Variants in SLC24A2 observed in about 807,000 individuals in gnomAD.
The protein encoded by SLC24A2 is solute carrier family 24 member 2, also known as sodium/potassium/calcium exchanger 2.
Under a neutral mutation model 62.0 loss-of-function variants are expected in SLC24A2, and 36 were observed. The observed-to-expected ratio is 0.58, with a 90% CI of 0.44 to 0.77. SLC24A2 has a LOEUF of 0.77. Ranked by LOEUF, SLC24A2 falls within the 30% of genes least tolerant of loss-of-function variation. SLC24A2 has a pLI of 0.00. For missense variants in SLC24A2, 846 were observed against 817.9 expected, an observed-to-expected ratio of 1.03 and a Z score of -0.42; for synonymous variants, 358 against 294.0, an observed-to-expected ratio of 1.22 and a Z score of -2.23.
At chr9:19,866,107 A>G in the SLC24A2 span, among the ~76,000 whole-genome samples, 3 of 152,252 alleles carry the variant, frequency 2.0e-5, no homozygotes, top group Admixed American at 1.3e-4. Context: ...GGTGCTCAAC[A>G]TCATTAAACA....
At chr9:20,155,333 T>C in the SLC24A2 span, among the ~76,000 whole-genome samples, 1 of 151,768 alleles carries the variant, frequency 6.6e-6, no homozygotes, top group Non-Finnish European at 1.5e-5. Context: ...TCCACTCACG[T>C]ATACACATAG....
In SLC24A2 at chr9:19,525,391, C is replaced by CTTTTTTTTTTTTTTTTTTTTTTTTTTT. The variant is rs572919824; in HGVS notation, c.1569+2631_1569+2657dup. 2.6e-5 allele frequency among the ~76,000 whole-genome samples: 2 copies of CTTTTTTTTTTTTTTTTTTTTTTTTTTT among 76,374 alleles called. 1 individual carries two copies. The allele number at this position is 76,374 out of a possible 152,430, so 50.1% of individuals were successfully genotyped here. A position where few individuals can be genotyped will look rare whatever the true frequency, so the allele number is the denominator to read the frequency against. ...AAGGTTTTTTTTTCCTATTTCTTTACTTTTTTTTTTTTTTTTTTTTTTTTT... is the reference window on the plus strand; with the variant it reads ...AAGGTTTTTTTTTCCTATTTCTTTACTTTTTTTTTTTTTTTTTTTTTTTTTTTTTTTTTTTTTTTTTTTTTTTTTTTT... On this transcript the variant is annotated intron_variant, in intron 9 of 10. Coordinates refer to ENST00000341998, the MANE Select transcript of SLC24A2 (RefSeq NM_020344.4).
At chr9:19,538,758 G>A (rs1352600026) in intron 8 of SLC24A2, among the ~76,000 whole-genome samples, 1 of 131,164 alleles carries the variant, frequency 7.6e-6, no homozygotes, top group African/African-American at 2.9e-5. Flanking sequence ...TCTATTGATT[G>A]GAATAGTTTC....
chr9:19,528,739 G>A (rs1446909238), intron 8 of SLC24A2, among the ~76,000 whole-genome samples: 1 of 152,094 alleles, frequency 6.6e-6, no homozygotes, highest in Non-Finnish European at 1.5e-5. Flanking sequence ...CATTCTCCAG[G>A]ACACTGGAAC....
At chr9:20,136,909 G>A in the SLC24A2 span, among the ~76,000 whole-genome samples, 1 of 151,956 alleles carries the variant, frequency 6.6e-6, no homozygotes, top group Non-Finnish European at 1.5e-5. Context: ...AGGACTTTAC[G>A]CCGCATTAAA....
chr9:20,195,106 C>A, the SLC24A2 span, among the ~76,000 whole-genome samples: 1 of 152,116 alleles, frequency 6.6e-6, no homozygotes, highest in Admixed American at 6.5e-5. Context: ...CATGCTGGAA[C>A]ATGTAATTTT....
chr9:19,923,601 C>A, the SLC24A2 span, among the ~76,000 whole-genome samples: 1 of 152,096 alleles, frequency 6.6e-6, no homozygotes, highest in East Asian at 1.9e-4. Flanking sequence ...AGTCACAAGC[C>A]CACCCCACTC....
At chr9:20,202,803 T>G in the SLC24A2 span, among the ~76,000 whole-genome samples, 1 of 152,244 alleles carries the variant, frequency 6.6e-6, no homozygotes. Flanking sequence ...AAACCCTGGC[T>G]TTGAAACCAG....
chr9:19,591,303 T>C (rs750677121), intron 5 of SLC24A2, among the ~76,000 whole-genome samples: 2 of 152,212 alleles, frequency 1.3e-5, no homozygotes, highest in Non-Finnish European at 2.9e-5. Context: ...AGCTCCCTCT[T>C]ATAGCTTGCT....
At chr9:19,958,822 T>A in the SLC24A2 span, among the ~76,000 whole-genome samples, 5 of 152,152 alleles carry the variant, frequency 3.3e-5, no homozygotes, top group Admixed American at 3.3e-4. Flanking sequence ...AATGCAAAAA[T>A]TACTGTTTGT....
At chr9:20,085,746 A>G in the SLC24A2 span, among the ~76,000 whole-genome samples, 1 of 152,230 alleles carries the variant, frequency 6.6e-6, no homozygotes, top group Non-Finnish European at 1.5e-5. Context: ...AATATTCAGT[A>G]TGAGCCCATA....
the SLC24A2 span, among the ~76,000 whole-genome samples, chr9:20,293,677 T>C: frequency 1.3e-5 from 2 of 152,188 alleles, no homozygotes; most frequent in African/African-American, 2.4e-5. Context: ...AGTATTATCT[T>C]TGCTCATCTC....
At chr9:20,045,544 G>A in the SLC24A2 span, among the ~76,000 whole-genome samples, 2 of 152,064 alleles carry the variant, frequency 1.3e-5, no homozygotes, top group African/African-American at 2.4e-5. Context: ...CGACTCTCCT[G>A]CCTCAGCCTC....
At chr9:19,732,448 GC>G in intron 2 of SLC24A2, among the ~76,000 whole-genome samples, 1 of 152,142 alleles carries the variant, frequency 6.6e-6, no homozygotes, top group East Asian at 1.9e-4. Context: ...AGGGCTGGCA[GC>G]CTTTCTTATT....
At chr9:19,543,380 T>A (rs1431170366) in intron 8 of SLC24A2, among the ~76,000 whole-genome samples, 1 of 136,786 alleles carries the variant, frequency 7.3e-6, no homozygotes, top group Non-Finnish European at 1.6e-5. Flanking sequence ...AACCAGCTCC[T>A]GGATTCATTG....
chr9:20,077,026 A>G, the SLC24A2 span, among the ~76,000 whole-genome samples: 2 of 151,510 alleles, frequency 1.3e-5, no homozygotes, highest in African/African-American at 2.4e-5. Flanking sequence ...GCCTTCAGCT[A>G]ATGAAATAAA....
At position 19,648,379 on chromosome 9, in the gene SLC24A2, C is replaced by A. The variant is rs569843942; in HGVS notation, c.931-26080G>T. Among the ~76,000 whole-genome samples the A allele has an allele frequency of 2.0e-5, 3 of 152,242 alleles. No homozygotes were observed. The South Asian group carries it at 6.2e-4, about 32-fold the overall frequency. ...TCAGTGAGGAAACTGAGTTAAAAAA[C>A]CCCTAAATCCCCTGAAATCTAAGCA... On this transcript the variant is annotated intron_variant, in intron 2 of 10. Coordinates refer to ENST00000341998, the MANE Select transcript of SLC24A2 (RefSeq NM_020344.4).
the SLC24A2 span, among the ~76,000 whole-genome samples, chr9:20,062,937 A>G: frequency 8.5e-5 from 10 of 117,752 alleles, 1 homozygote; most frequent in African/African-American, 1.1e-4. Flanking sequence ...CAAAACCACA[A>G]TGAGATACCA....
chr9:19,572,572 C>G (rs1250344961), intron 7 of SLC24A2, among the ~76,000 whole-genome samples: 1 of 152,142 alleles, frequency 6.6e-6, no homozygotes, highest in African/African-American at 2.4e-5. Flanking sequence ...CTTGCTTCCC[C>G]TTCACCTTCT....
Sources: gnomAD v4.1 joint callset for allele counts (sites outside exome capture counted in the v4.1 genomes callset) on GRCh38, gnomAD v4.1.1 for gene constraint, MANE v1.5 for transcripts, NCBI Gene and HGNC (gene_info 2026-07-23, HGNC 2026-07-21) for gene names.